Variants in ULK4 observed in about 807,000 individuals in gnomAD.
ULK4 encodes inactive serine/threonine-protein kinase ULK4.
A neutral mutation model predicts 160.6 loss-of-function variants in ULK4; 133 were observed. The observed-to-expected ratio is 0.83, with a 90% CI of 0.72 to 0.96. ULK4 has a LOEUF of 0.96. ULK4 is among the 40% of genes least tolerant of loss of function. ULK4 has a pLI of 0.00. For synonymous variants in ULK4, 534 were observed against 539.8 expected (o/e 0.99, Z 0.15); for missense variants, 1,580 against 1,499.5 (o/e 1.05, Z -0.89).
At chr3:41,631,211 G>C (rs1425913928) in intron 30 of ULK4, among the ~76,000 whole-genome samples, 3 of 152,114 alleles carry the variant, frequency 2.0e-5, no homozygotes, top group African/African-American at 7.2e-5. Flanking sequence ...CATATATAGG[G>C]AGTTATTTTT....
rs1402677856 is a variant in ULK4, at chr3:41,463,269, G to A, written c.3227-16C>T. ...CTGACAAGTCCTGAGGGTAAAAAAGGAAAAGAAAAAAACCTCATCATTAAG... is the reference window on the plus strand; with the variant it reads ...CTGACAAGTCCTGAGGGTAAAAAAGAAAAAGAAAAAAACCTCATCATTAAG... On this transcript the variant is annotated splice_polypyrimidine_tract_variant and intron_variant, in intron 32 of 36. Coordinates refer to ENST00000301831, the MANE Select transcript of ULK4 (RefSeq NM_017886.4). 2.3e-5 allele frequency: 37 copies of A among 1,594,814 alleles called. No individual in the cohort carries two copies. The highest frequency in any genetic ancestry group is 2.3e-4 in the Admixed American group (13 of 56,202).
chr3:41,862,003 G>A (rs1467327845), intron 17 of ULK4, among the ~76,000 whole-genome samples: 4 of 151,836 alleles, frequency 2.6e-5, no homozygotes, highest in Non-Finnish European at 5.9e-5. Flanking sequence ...GTAGAGACGG[G>A]GTTTCACCAT....
intron 35 of ULK4, among the ~76,000 whole-genome samples, chr3:41,358,730 A>T (rs1288294067): frequency 6.6e-6 from 1 of 152,154 alleles, no homozygotes; most frequent in Non-Finnish European, 1.5e-5. Context: ...GACTGACTGC[A>T]GGGGCCTCAA....
intron 22 of ULK4, among the ~76,000 whole-genome samples, chr3:41,734,428 A>C (rs1447691889): frequency 6.6e-6 from 1 of 152,146 alleles, no homozygotes; most frequent in East Asian, 1.9e-4. Context: ...GTATACGTTA[A>C]ATTTAAAACT....
chr3:41,491,321 A>C (rs1203299302), intron 32 of ULK4, among the ~76,000 whole-genome samples: 1 of 124,548 alleles, frequency 8.0e-6, no homozygotes. Flanking sequence ...GGAAAAAATA[A>C]AAAATAAAAT....
intron 30 of ULK4, among the ~76,000 whole-genome samples, chr3:41,653,162 C>T (rs1279571143): frequency 7.9e-5 from 12 of 152,200 alleles, no homozygotes; most frequent in African/African-American, 2.9e-4. Context: ...ATACCCACAA[C>T]CACCTCCGTT....
intron 35 of ULK4, among the ~76,000 whole-genome samples, chr3:41,342,225 C>CATATCAA (rs2080700810): frequency 6.6e-6 from 1 of 152,106 alleles, no homozygotes; most frequent in African/African-American, 2.4e-5. Flanking sequence ...CACACCCAAT[C>CATATCAA]ATATCAAAAA....
rs191910755 is a variant in ULK4 at position 41,679,327 on chromosome 3, G to C, written c.2978+2181C>G. 2.7e-3 allele frequency among the ~76,000 whole-genome samples: 414 copies of C among 152,296 alleles called. 2 individuals are homozygous for C. Among genetic ancestry groups the C allele is most frequent in the South Asian group, 5.4e-3 (26 of 4,820 alleles). Reference sequence around the variant, plus strand: ...TTTAATCTTTAGGATTATCTTCTAAGGTAGGTACTATTATCCCCGTTCTAC... The same window carrying C: ...TTTAATCTTTAGGATTATCTTCTAACGTAGGTACTATTATCCCCGTTCTAC... On this transcript the variant is annotated intron_variant, in intron 29 of 36. Transcript: ENST00000301831.
intron 16 of ULK4, among the ~76,000 whole-genome samples, chr3:41,886,718 G>A (rs530435508): frequency 6.6e-6 from 1 of 152,010 alleles, no homozygotes; most frequent in Non-Finnish European, 1.5e-5. Context: ...TGGGATTACA[G>A]GCACGCACCA....
At chr3:41,890,114 T>C (rs1483579332) in intron 16 of ULK4, among the ~76,000 whole-genome samples, 1 of 152,146 alleles carries the variant, frequency 6.6e-6, no homozygotes, top group Non-Finnish European at 1.5e-5. Flanking sequence ...GGGTACTGGG[T>C]TTCGCTGGGT....
At chr3:41,476,819 T>C (rs187629592) in intron 32 of ULK4, among the ~76,000 whole-genome samples, 31 of 152,238 alleles carry the variant, frequency 2.0e-4, no homozygotes, top group Admixed American at 1.7e-3. Flanking sequence ...TGAGGGAAGC[T>C]TTCTTACATG....
intron 17 of ULK4, among the ~76,000 whole-genome samples, chr3:41,862,722 C>T (rs1227931902): frequency 6.6e-6 from 1 of 152,058 alleles, no homozygotes; most frequent in African/African-American, 2.4e-5. Flanking sequence ...CACTCTTATT[C>T]CCTTCCCTTA....
intron 35 of ULK4, among the ~76,000 whole-genome samples, chr3:41,362,504 A>G (rs1327105586): frequency 6.6e-6 from 1 of 152,246 alleles, no homozygotes; most frequent in African/African-American, 2.4e-5. Flanking sequence ...TATACAGTAT[A>G]TACAATGATG....
intron 32 of ULK4, among the ~76,000 whole-genome samples, chr3:41,549,292 A>G (rs1036633188): frequency 6.3e-5 from 3 of 47,554 alleles, no homozygotes; most frequent in African/African-American, 1.5e-4. Context: ...TGAACAAAAC[A>G]AATAGAAAAA....
chr3:41,954,083 C>CT (rs1700396960), intron 2 of ULK4, among the ~76,000 whole-genome samples: 4 of 148,944 alleles, frequency 2.7e-5, no homozygotes, highest in Admixed American at 6.9e-5. Context: ...GAGGCTGAAG[C>CT]AGGAGAATGG....
intron 31 of ULK4, among the ~76,000 whole-genome samples, chr3:41,606,506 C>A (rs2032390410): frequency 6.6e-6 from 1 of 151,946 alleles, no homozygotes; most frequent in African/African-American, 2.4e-5. Flanking sequence ...ATTCCTGGAT[C>A]ATATAGTAGT....
chr3:41,831,585 G>C (rs894895435), intron 18 of ULK4, among the ~76,000 whole-genome samples: 3 of 149,660 alleles, frequency 2.0e-5, no homozygotes, highest in African/African-American at 7.5e-5. Context: ...AGGACGTGCA[G>C]GTTTGTTACA....
chr3:41,815,996 A>G (rs1284556451), intron 19 of ULK4, among the ~76,000 whole-genome samples: 1 of 152,076 alleles, frequency 6.6e-6, no homozygotes, highest in African/African-American at 2.4e-5. Context: ...CATAACTACA[A>G]TCCCAGCTAC....
chr3:41,487,977 T>A (rs2084601204), intron 32 of ULK4, among the ~76,000 whole-genome samples: 2 of 151,826 alleles, frequency 1.3e-5, no homozygotes, highest in South Asian at 2.1e-4. Flanking sequence ...ACCAAAGAAA[T>A]ACAAATGATC....
Sources: allele counts gnomAD v4.1 joint callset (sites outside exome capture counted in the v4.1 genomes callset), GRCh38; gene constraint gnomAD v4.1.1; transcripts MANE v1.5; gene names NCBI Gene and HGNC (gene_info 2026-07-23, HGNC 2026-07-21).